HAUS6: variants seen among roughly 807,000 people sequenced by gnomAD.
The protein encoded by HAUS6 is HAUS augmin-like complex subunit 6.
In HAUS6, 80 loss-of-function variants were observed where a neutral mutation model predicts 106.8. That is an observed-to-expected ratio of 0.75 (90% CI 0.63 to 0.90). The LOEUF (loss-of-function observed/expected upper bound fraction) is 0.90. Among genes scored for constraint, HAUS6 ranks in the 40% least tolerant of loss-of-function variants. The pLI is 0.00. For synonymous variants in HAUS6, 356 were observed against 379.1 expected, an observed-to-expected ratio of 0.94 and a Z score of 0.71; for missense variants, 1,155 against 1,118.1, an observed-to-expected ratio of 1.03 and a Z score of -0.47.
chr9:19,090,855 C>A (rs1389614763), intron 4 of HAUS6, among the ~76,000 whole-genome samples: 1 of 152,138 alleles, frequency 6.6e-6, no homozygotes, highest in Non-Finnish European at 1.5e-5. Flanking sequence ...CTGAGAATAA[C>A]TCATGTAAAT....
chr9:19,072,985 T>A (rs1481833875), intron 11 of HAUS6, among the ~76,000 whole-genome samples: 1 of 152,048 alleles, frequency 6.6e-6, no homozygotes, highest in Non-Finnish European at 1.5e-5. Flanking sequence ...TGGAAGATAA[T>A]AAAAAATTTT....
At chr9:19,092,185 G>C (rs547031442) in intron 4 of HAUS6, among the ~76,000 whole-genome samples, 1 of 151,914 alleles carries the variant, frequency 6.6e-6, no homozygotes, top group East Asian at 1.9e-4. Flanking sequence ...CGCCGGGCAC[G>C]GTGGCTTATG....
At chr9:19,088,309 G>C (rs534987091) in intron 5 of HAUS6, among the ~76,000 whole-genome samples, 218 of 151,974 alleles carry the variant, frequency 1.4e-3, no homozygotes, top group Non-Finnish European at 2.4e-3. Context: ...CCAATTACTC[G>C]GGAGGCTGAG....
At chr9:19,065,734 G>A (rs113898017) in intron 12 of HAUS6, among the ~76,000 whole-genome samples, 6 of 151,842 alleles carry the variant, frequency 4.0e-5, no homozygotes, top group South Asian at 2.1e-4. Context: ...CCAGCTACTC[G>A]GGAGGCTGAA....
chr9:19,078,306 T>C lies in HAUS6; in HGVS notation c.1065-4A>G, dbSNP rs556220804. 12 of 1,412,188 alleles carry C rather than the reference T, an allele frequency of 8.5e-6. No homozygotes were observed. The South Asian group carries it at 1.1e-4, about 13-fold the overall frequency. 87.5% of individuals were successfully genotyped at this position (1,412,188 alleles called of 1,614,324 possible). ...GAGATCATCTTTTATTCTATACCTA[T>C]AATAGCATAAAAAAACTTTATTCAA... On this transcript the variant is annotated splice_polypyrimidine_tract_variant and splice_region_variant and intron_variant, in intron 9 of 16. Transcript: ENST00000380502.
chr9:19,088,535 T>C (rs1486359721), intron 5 of HAUS6, among the ~76,000 whole-genome samples: 1 of 151,968 alleles, frequency 6.6e-6, no homozygotes, highest in African/African-American at 2.4e-5. Context: ...TAAAATATAT[T>C]TCCATATTTT....
chr9:19,057,768 T>C, intron 16 of HAUS6, 193 bp downstream of exon 16: 1 of 426,366 alleles, frequency 2.3e-6, no homozygotes, highest in Non-Finnish European at 4.1e-6. Flanking sequence ...CTCAAATCAA[T>C]TGTAACTATA....
chr9:19,053,489 T>C lies in HAUS6; in HGVS notation c.*2854A>G, dbSNP rs146505134. 3.2e-3 allele frequency: 483 copies of C among 152,314 alleles called. 3 individuals carry two copies. Among genetic ancestry groups the C allele is most frequent in the African/African-American group, 0.011 (457 of 41,574 alleles). 9.4% of individuals were successfully genotyped at this position (152,314 alleles called of 1,614,324 possible). ...TAAAGAAAAGGTATCAAAATACTCATATTTTTGTTTTCAGCTCAATTTCCC... is the reference window on the plus strand; with the variant it reads ...TAAAGAAAAGGTATCAAAATACTCACATTTTTGTTTTCAGCTCAATTTCCC... On this transcript the variant is annotated 3_prime_UTR_variant, in exon 17 of 17. Transcript: ENST00000380502.
At chr9:19,094,269 GT>G in intron 3 of HAUS6, 47 bp downstream of exon 3, 1 of 1,121,744 alleles carries the variant, frequency 8.9e-7, no homozygotes, top group African/African-American at 1.6e-5. Context: ...AGTTAAAGTA[GT>G]TTTTAACTTC....
Position 19,070,240 on chromosome 9 carries a change from G to A in HAUS6, c.1355C>T (p.Ala452Val), listed in dbSNP as rs558093369. Residue 452 changes from alanine (A) to valine (V), a missense_variant, in exon 12 of 17, where the codon GCG becomes GTG. Physicochemically the swap from Ala to Val is moderately conservative, Grantham distance 64. Around this residue, in one of 3 missense-constraint regions of HAUS6, gnomAD observed 761 missense variants for 690.0 expected, o/e 1.10. Coordinates refer to ENST00000380502, the MANE Select transcript of HAUS6 (RefSeq NM_017645.5). ...TTACCTGTTGGCTAGATCATGTAGC[G>A]CTCCCAAGGTATCACTGTCTCCTCT... ...GCRGDSDTLG[A>V]LHDLANSPAS... The A allele has an allele frequency of 3.1e-5, 49 of 1,586,546 alleles. No individual in the cohort carries two copies. Among genetic ancestry groups the A allele is most frequent in the Non-Finnish European group, 3.5e-5 (40 of 1,155,992 alleles).
At chr9:19,060,253 G>T (rs1260886144) in intron 14 of HAUS6, 30 bp from the exon 15 acceptor site, 1 of 1,486,450 alleles carries the variant, frequency 6.7e-7, no homozygotes, top group Non-Finnish European at 8.9e-7. Context: ...GTAAAGCAAA[G>T]ATTACCAAGC....
At chr9:19,093,850 C>T (rs1023409319) in intron 3 of HAUS6, among the ~76,000 whole-genome samples, 3 of 152,058 alleles carry the variant, frequency 2.0e-5, no homozygotes, top group African/African-American at 7.2e-5. Flanking sequence ...GCCTGGGTGA[C>T]AGAAGAAGAC....
At chr9:19,085,980 C>T (rs925091126) in intron 7 of HAUS6, among the ~76,000 whole-genome samples, 2 of 148,634 alleles carry the variant, frequency 1.3e-5, no homozygotes, top group African/African-American at 5.1e-5. Context: ...ATATATACAA[C>T]CTATGAGTTT....
At position 19,093,380 on chromosome 9, in the gene HAUS6, T is replaced by G. The variant is rs534223543; in HGVS notation, c.304-77A>C. ...TACATTTACATCACACTATTTTTGT[T>G]AAAGGGTGTGACAGTCTTGCAATAG... On this transcript the variant is annotated intron_variant, in intron 3 of 16. Transcript: ENST00000380502. 3.9e-6 allele frequency: 5 copies of G among 1,291,490 alleles called. No individual in the cohort carries two copies. The Admixed American group carries it at 8.3e-5, about 21-fold the overall frequency. The allele number at this position is 1,291,490 out of a possible 1,614,324, so 80.0% of individuals were successfully genotyped here.
chr9:19,060,823 GCCC>G (rs1205740832), intron 14 of HAUS6, among the ~76,000 whole-genome samples: 1 of 152,136 alleles, frequency 6.6e-6, no homozygotes, highest in Non-Finnish European at 1.5e-5. Context: ...TAAAAACTCT[GCCC>G]CCGACATCAC....
chr9:19,063,178 T>C lies in HAUS6; in HGVS notation c.1459A>G (p.Thr487Ala). The change falls in exon 14 of 17, where the codon ACT (threonine) becomes GCT (alanine). Residue 487 changes from threonine (T) to alanine (A), a missense_variant. Physicochemically the swap from Thr to Ala is moderately conservative, Grantham distance 58 (BLOSUM62 0). This residue lies in a region of HAUS6 where 761 missense variants were observed against 690.0 expected (regional missense o/e 1.10). Transcript: ENST00000380502. ...ATTGCTTCATTTTTTTCTTTGGGAG[T>C]TCCCATCTTTGTGTCCTGAAGAAGA... ...TVLEKDTKMG[T>A]PKEKNEAISK... 2 of 1,600,892 alleles carry C rather than the reference T, an allele frequency of 1.2e-6. No homozygotes were observed. The highest frequency in any genetic ancestry group is 1.7e-6 in the Non-Finnish European group (2 of 1,170,336).
intron 11 of HAUS6, among the ~76,000 whole-genome samples, chr9:19,073,624 T>C (rs1442664968): frequency 6.8e-6 from 1 of 147,140 alleles, no homozygotes; most frequent in African/African-American, 2.5e-5. Context: ...CTAAGAGCTC[T>C]GTTGACTAGT....
intron 14 of HAUS6, among the ~76,000 whole-genome samples, chr9:19,061,362 A>T (rs1375584172): frequency 6.6e-6 from 1 of 152,278 alleles, no homozygotes; most frequent in East Asian, 1.9e-4. Flanking sequence ...ATCTGATCCC[A>T]TTGCTAATAT....
Position 19,076,635 on chromosome 9 carries a change from T to C in HAUS6, c.1261A>G (p.Ser421Gly). The change falls in exon 11 of 17, where the codon AGT becomes GGT. Residue 421 changes from serine to glycine, a missense_variant. Physicochemically the swap from Ser to Gly is moderately conservative, Grantham distance 56. Coordinates refer to ENST00000380502, the MANE Select transcript of HAUS6 (RefSeq NM_017645.5). ...GAAGCAGGATACTGACAAAGAATACTCTTTGCATACACTTCTTCTGAGGCA... is the reference window on the plus strand; with the variant it reads ...GAAGCAGGATACTGACAAAGAATACCCTTTGCATACACTTCTTCTGAGGCA... ...DPASEEVYAKSILCQYPASLP... is the reference protein window; with the variant it reads ...DPASEEVYAKGILCQYPASLP... The C allele has an allele frequency of 1.3e-6, 2 of 1,587,278 alleles. No homozygotes were observed. Among genetic ancestry groups the C allele is most frequent in the Non-Finnish European group, 1.7e-6 (2 of 1,157,194 alleles).
Sources: allele counts gnomAD v4.1 joint callset (sites outside exome capture counted in the v4.1 genomes callset), GRCh38; gene constraint gnomAD v4.1.1; regional missense constraint gnomAD v4.1.1; transcripts MANE v1.5; gene names NCBI Gene and HGNC (gene_info 2026-07-23, HGNC 2026-07-21).